The following HPS1 variants were observed in gnomAD, a reference collection of about 807,000 sequenced individuals.
HPS1 encodes HPS1 biogenesis of lysosomal organelles complex 3 subunit 1, also known as BLOC-3 complex member HPS1.
HPS1 carries 59 observed loss-of-function variants against 90.6 expected under a neutral mutation model. The observed-to-expected ratio is 0.65, with a 90% CI of 0.53 to 0.81. The LOEUF (loss-of-function observed/expected upper bound fraction) is 0.81. HPS1 is among the 30% of genes least tolerant of loss of function. The pLI is 0.00. For missense variants in HPS1, 849 were observed against 896.7 expected, an observed-to-expected ratio of 0.95 and a Z score of 0.68; for synonymous variants, 388 against 384.4, an observed-to-expected ratio of 1.01 and a Z score of -0.11.
Position 98,445,751 on chromosome 10 carries a change from G to C in HPS1, c.-105-347C>G, listed in dbSNP as rs1053103889. Among the ~76,000 whole-genome samples the C allele has an allele frequency of 2.6e-5, 4 of 152,198 alleles. No homozygotes were observed. Among genetic ancestry groups the C allele is most frequent in the African/African-American group, 9.7e-5 (4 of 41,448 alleles). On this transcript the variant is annotated intron_variant, in intron 1 of 19. Coordinates refer to ENST00000361490, the MANE Select transcript of HPS1 (RefSeq NM_000195.5). The surrounding 1 kb of genome is among the most constrained non-coding windows in gnomAD (Gnocchi z 4.5). ...ACGGGAGACAGCATAGCACATCCCA[G>C]GTGGTGAGGATGCAGTCCCGGTGAA... is the stretch of plus-strand genomic sequence containing the variant.
chr10:98,424,464 G>C, intron 13 of HPS1, 90 bp from the exon 14 acceptor site: 7 of 1,130,652 alleles, frequency 6.2e-6, no homozygotes, highest in Non-Finnish European at 9.1e-6. Context: ...GCTCTGAGAG[G>C]GCACAGGGCC....
chr10:98,430,768 G>C lies in HPS1; in HGVS notation c.669-98C>G, dbSNP rs895648947. The C allele has an allele frequency of 6.9e-5, 66 of 951,074 alleles. No homozygotes were observed. The South Asian group carries it at 8.8e-4, about 13-fold the overall frequency. 58.9% of individuals were successfully genotyped at this position (951,074 alleles called of 1,614,324 possible). ...GTGGAGCCTGGCCCCTGCCCTCAAG[G>C]AGCAATGTACTTCTGGAGATGGGCA... On this transcript the variant is annotated intron_variant, in intron 7 of 19. Transcript: ENST00000361490.
At chr10:98,419,293 A>G (rs374842492) in intron 18 of HPS1, among the ~76,000 whole-genome samples, 227 of 152,302 alleles carry the variant, frequency 1.5e-3, no homozygotes, top group African/African-American at 5.1e-3. Flanking sequence ...AACACTCCTG[A>G]GAGCTGGAAC....
rs1480593405 is a variant in HPS1, at chr10:98,435,994, A to T, written c.118-222T>A. Among the ~76,000 whole-genome samples, 1 of 152,230 alleles carries T rather than the reference A, an allele frequency of 6.6e-6. No individual in the cohort carries two copies. The highest frequency in any genetic ancestry group is 1.5e-5 in the Non-Finnish European group (1 of 68,038). On this transcript the variant is annotated intron_variant, in intron 3 of 19. Coordinates refer to ENST00000361490, the MANE Select transcript of HPS1 (RefSeq NM_000195.5). The surrounding 1 kb of genome is among the most constrained non-coding windows in gnomAD (Gnocchi z 4.3). ...GGCCAGCTGGGTAATGGTGCTGTTT[A>T]GGCTCTGAATCTAGAAGGAAACATT...
chr10:98,439,999 C>T (rs1938133346), intron 3 of HPS1, among the ~76,000 whole-genome samples: 2 of 152,196 alleles, frequency 1.3e-5, no homozygotes, highest in African/African-American at 4.8e-5. Context: ...CTCCTTCCTG[C>T]TGCCTTGTGA....
At chr10:98,439,458 G>A (rs1169561395) in intron 3 of HPS1, among the ~76,000 whole-genome samples, 1 of 152,200 alleles carries the variant, frequency 6.6e-6, no homozygotes, top group African/African-American at 2.4e-5. Context: ...AGAGTCAAAG[G>A]AGATCATTTC....
downstream of HPS1, among the ~76,000 whole-genome samples, chr10:98,415,821 G>C (rs1564818123): frequency 6.6e-6 from 1 of 152,236 alleles, no homozygotes; most frequent in Non-Finnish European, 1.5e-5. Context: ...GTAATTCTCT[G>C]GTGTTTTAGT....
At chr10:98,414,829 G>C, downstream of HPS1, 1 of 879,748 alleles carries the variant, frequency 1.1e-6, no homozygotes, top group Non-Finnish European at 1.6e-6. Context: ...AATCCCAGGT[G>C]CCTGCCTGCC....
rs367880523 is a variant in HPS1 at position 98,417,718 on chromosome 10, A to G, written c.1949T>C (p.Leu650Pro). 2.5e-6 allele frequency: 4 copies of G among 1,613,646 alleles called. No homozygotes were observed. Among genetic ancestry groups the G allele is most frequent in the Non-Finnish European group, 3.4e-6 (4 of 1,179,902 alleles). ...MLGGDYYRKLLRYYSKNRPTE... is the reference protein window; with the variant it reads ...MLGGDYYRKLPRYYSKNRPTE... ...TGGGCGGTTCTTGCTGTAGTAGCGC[A>G]GGAGCTTCCTGGGGAGGAAGGGGAG... is the stretch of plus-strand genomic sequence containing the variant. The change falls in exon 20 of 20, where the codon CTG (leucine) becomes CCG (proline). Residue 650 changes from leucine (L) to proline (P), a missense_variant. Physicochemically the swap from Leu to Pro is moderately conservative, Grantham distance 98 (BLOSUM62 -3). Transcript: ENST00000361490. This position sits in a 1 kb window ranked among gnomAD's most constrained non-coding sequence, Gnocchi z 4.2.
At chr10:98,442,548 C>T (rs1938623564) in intron 3 of HPS1, 1 of 152,884 alleles carries the variant, frequency 6.5e-6, no homozygotes, top group African/African-American at 2.4e-5. Context: ...CTCTGTCGCC[C>T]AGGTTGGAAT....
chr10:98,421,117 C>T (rs1264532514), intron 17 of HPS1, among the ~76,000 whole-genome samples: 4 of 152,216 alleles, frequency 2.6e-5, no homozygotes, highest in African/African-American at 7.2e-5. Context: ...GGAAGAGACT[C>T]GAGGAGCCCT....
intron 1 of HPS1, among the ~76,000 whole-genome samples, chr10:98,446,415 G>A (rs1427968547): frequency 6.6e-6 from 1 of 152,222 alleles, no homozygotes; most frequent in East Asian, 1.9e-4. Flanking sequence ...GCCAACCTGG[G>A]GCGACCCCCA....
intron 10 of HPS1, among the ~76,000 whole-genome samples, chr10:98,428,358 C>T (rs548933271): frequency 6.6e-6 from 1 of 152,242 alleles, no homozygotes; most frequent in Non-Finnish European, 1.5e-5. Context: ...GGTACAGGCT[C>T]AGCTTCAATA....
At chr10:98,443,014 A>G in intron 3 of HPS1, 110 bp downstream of exon 3, 1 of 838,480 alleles carries the variant, frequency 1.2e-6, no homozygotes, top group Admixed American at 1.7e-5. Flanking sequence ...CACCCTGCTC[A>G]TGCTGCCCAG....
In HPS1 at chr10:98,435,572, G is replaced by C; in HGVS notation, c.255+63C>G. 6.2e-7 allele frequency: 1 copy of C among 1,610,562 alleles called. No individual in the cohort carries two copies. The highest frequency in any genetic ancestry group is 8.5e-7 in the Non-Finnish European group (1 of 1,177,010). On this transcript the variant is annotated intron_variant, in intron 4 of 19. Coordinates refer to ENST00000361490, the MANE Select transcript of HPS1 (RefSeq NM_000195.5). This position sits in a 1 kb window ranked among gnomAD's most constrained non-coding sequence, Gnocchi z 4.3. ...GGAGTCTAAAGTTCCAAATAAGAGA[G>C]GCCTGTGGACTCCCCATCAAGCTGA...
At chr10:98,427,555 A>AG (rs1845778648) in intron 10 of HPS1, among the ~76,000 whole-genome samples, 2 of 152,130 alleles carry the variant, frequency 1.3e-5, no homozygotes, top group Admixed American at 1.3e-4. Context: ...AATGGTGGTC[A>AG]GGGGGTAGAG....
chr10:98,420,848 G>A (rs1262985261), intron 17 of HPS1, among the ~76,000 whole-genome samples: 2 of 152,158 alleles, frequency 1.3e-5, no homozygotes, highest in South Asian at 2.1e-4. Context: ...GCCTGGGGTC[G>A]CCCACTCACC....
Position 98,417,745 on chromosome 10 carries a change from A to G in HPS1, c.1941-19T>C. ...GAGCTTCCTGGGGAGGAAGGGGAGG[A>G]TGGGATTCAGGAGTGAGGCTGTGGC... On this transcript the variant is annotated intron_variant, in intron 19 of 19. Transcript: ENST00000361490. The surrounding 1 kb of genome is among the most constrained non-coding windows in gnomAD (Gnocchi z 4.2). 1.2e-6 allele frequency: 2 copies of G among 1,612,738 alleles called. No homozygotes were observed. Among genetic ancestry groups the G allele is most frequent in the Non-Finnish European group, 1.7e-6 (2 of 1,179,360 alleles).
At chr10:98,429,942 CA>C (rs1846183489) in intron 8 of HPS1, 53 bp from the exon 9 acceptor site, 25 of 1,510,074 alleles carry the variant, frequency 1.7e-5, no homozygotes, top group Non-Finnish European at 2.3e-5. Context: ...TGGCTCCCTC[CA>C]CCCCTTCTGC....
Sources: gnomAD v4.1 joint callset for allele counts (sites outside exome capture counted in the v4.1 genomes callset) on GRCh38, gnomAD v4.1.1 for gene constraint, Gnocchi (gnomAD v3.1) non-coding constraint, MANE v1.5 for transcripts, NCBI Gene and HGNC (gene_info 2026-07-23, HGNC 2026-07-21) for gene names.